NSMF: variants seen among roughly 807,000 people sequenced by gnomAD.
The protein encoded by NSMF is NMDA receptor synaptonuclear signaling and neuronal migration factor, also known as nasal embryonic LHRH factor.
A neutral mutation model predicts 71.0 loss-of-function variants in NSMF; 31 were observed. That is an observed-to-expected ratio of 0.44 (90% CI 0.33 to 0.59). The LOEUF is 0.59. NSMF is among the 20% of genes least tolerant of loss of function. NSMF has a pLI of 0.04. For missense variants in NSMF, 673 were observed against 740.5 expected (o/e 0.91, Z 1.06); for synonymous variants, 345 against 287.1 (o/e 1.20, Z -2.04).
chr9:137,450,282 G>T (rs1382778369), intron 12 of NSMF, 27 bp from the exon 13 acceptor site: 1 of 1,584,540 alleles, frequency 6.3e-7, no homozygotes, highest in South Asian at 1.1e-5. Context: ...TCAGGCATCT[G>T]CTCCTCCTTC....
intron 10 of NSMF, 45 bp from the exon 11 acceptor site, chr9:137,452,631 G>C (rs375846711): frequency 7.4e-6 from 12 of 1,611,858 alleles, no homozygotes; most frequent in Non-Finnish European, 1.0e-5. Context: ...GGCTGCGTCA[G>C]AGCCAGCAGC....
Position 137,449,177 on chromosome 9 carries a change from C to A in NSMF, c.*217G>T. ...CGCTGAGCATCCACGGGCCACAGGG[C>A]GGGATCCTCCCGGCCCCCAGGGACT... On this transcript the variant is annotated 3_prime_UTR_variant, in exon 16 of 16. Transcript: ENST00000371475. 1 of 601,744 alleles carries A rather than the reference C, an allele frequency of 1.7e-6. No homozygotes were observed. The highest frequency in any genetic ancestry group is 3.0e-6 in the Non-Finnish European group (1 of 335,756). The allele number at this position is 601,744 out of a possible 1,614,324, so 37.3% of individuals were successfully genotyped here. A position where few individuals can be genotyped will look rare whatever the true frequency, so the allele number is the denominator to read the frequency against.
At chr9:137,452,332 TCTC>T (rs777090114) in intron 12 of NSMF, 30 bp downstream of exon 12, 6 of 1,605,338 alleles carry the variant, frequency 3.7e-6, no homozygotes, top group East Asian at 2.2e-5. Flanking sequence ...CCACGATTCT[TCTC>T]CTGGTCAGGA....
In NSMF at chr9:137,453,780, C is replaced by A; in HGVS notation, c.873G>T (p.Trp291Cys). 1.2e-6 allele frequency: 2 copies of A among 1,600,392 alleles called. No homozygotes were observed. Among genetic ancestry groups the A allele is most frequent in the South Asian group, 1.1e-5 (1 of 90,310 alleles). Reference sequence around the variant, plus strand: ...CGGCTTTCATGGGGGTGGGGTCGCTCCAGGACCGGCTGAAGCTCCGCTCGC... The same window carrying A: ...CGGCTTTCATGGGGGTGGGGTCGCTACAGGACCGGCTGAAGCTCCGCTCGC... Reference protein sequence around the residue: ...ERRERSFSRSWSDPTPMKADT... With the variant: ...ERRERSFSRSCSDPTPMKADT... The change falls in exon 8 of 16, where the codon TGG (tryptophan) becomes TGT (cysteine). Residue 291 changes from tryptophan (W) to cysteine (C), a missense_variant. Trp to Cys is a radical substitution (Grantham distance 215, BLOSUM62 -2). Around this residue, in one of 2 missense-constraint regions of NSMF, gnomAD observed 471 missense variants for 459.6 expected, o/e 1.02. Transcript: ENST00000371475. This position sits in a 1 kb window ranked among gnomAD's most constrained non-coding sequence, Gnocchi z 4.5.
intron 6 of NSMF, 41 bp from the exon 7 acceptor site, chr9:137,454,484 G>C: frequency 1.3e-6 from 2 of 1,549,540 alleles, no homozygotes; most frequent in South Asian, 2.4e-5. Flanking sequence ...CCGTGAGAGG[G>C]TGACGGCAGC....
rs1830925509 is a variant in NSMF at position 137,457,883 on chromosome 9, G to C, written c.152C>G (p.Ala51Gly). The stretch of plus-strand genomic sequence containing the variant: ...GGGGGACCCGTCGTGGCCAGAGTAG[G>C]CATCAGCCAGCAGGTGATCTAGGAG... ...RNGADHLLAD[A>G]YSGHDGSPEM... is the part of the protein sequence containing the mutation. The change falls in exon 3 of 16, where the codon GCC becomes GGC. Residue 51 changes from alanine to glycine, a missense_variant. Coordinates refer to ENST00000371475, the MANE Select transcript of NSMF (RefSeq NM_001130969.3). 6.5e-7 allele frequency: 1 copy of C among 1,545,218 alleles called. No homozygotes were observed. Among genetic ancestry groups the C allele is most frequent in the East Asian group, 2.4e-5 (1 of 41,374 alleles).
At chr9:137,456,319 G>A in intron 4 of NSMF, 92 bp downstream of exon 4, 2 of 1,069,078 alleles carry the variant, frequency 1.9e-6, no homozygotes, top group Non-Finnish European at 2.9e-6. Flanking sequence ...CAGCCCCCCT[G>A]GTAGGCCCAG....
At position 137,457,457 on chromosome 9, in the gene NSMF, G is replaced by C. The variant is rs371306550; in HGVS notation, c.578C>G (p.Ser193Cys). Residue 193 changes from serine to cysteine, a missense_variant, in exon 3 of 16, where the codon TCC (serine) becomes TGC (cysteine). Coordinates refer to ENST00000371475, the MANE Select transcript of NSMF (RefSeq NM_001130969.3). ...GLDQPPLPET[S>C]GRRKKLERMY... ...CCTCTCCAGCTTCTTGCGGCGACCG[G>C]AGGTCTCAGGCAGAGGTGGCTGGTC... 1.5e-5 allele frequency: 24 copies of C among 1,612,844 alleles called. No homozygotes were observed. Among genetic ancestry groups the C allele is most frequent in the Non-Finnish European group, 1.9e-5 (22 of 1,179,982 alleles).
rs1564264640 is a variant in NSMF, at chr9:137,454,379, AC to A, written c.832+11del. ...AACGCCGCCCCCCCACCCCCGCCGC[AC>A]GGGGTCTTACTCTGGGCCTTCACCC... is the stretch of plus-strand genomic sequence containing the variant. On this transcript the variant is annotated intron_variant, in intron 7 of 15. Transcript: ENST00000371475. 1 of 1,549,360 alleles carries A rather than the reference AC, an allele frequency of 6.5e-7. No homozygotes were observed.
At chr9:137,456,379 C>A in intron 4 of NSMF, 32 bp downstream of exon 4, 8 of 1,569,134 alleles carry the variant, frequency 5.1e-6, no homozygotes, top group Non-Finnish European at 7.0e-6. Flanking sequence ...GACCACCCAA[C>A]CCTGACCCCA....
Position 137,459,043 on chromosome 9 carries a change from C to T in NSMF, c.60G>A (p.Ala20=). 7.8e-7 allele frequency: 1 copy of T among 1,287,040 alleles called. No individual in the cohort carries two copies. The highest frequency in any genetic ancestry group is 2.5e-5 in the South Asian group (1 of 40,750). The allele number at this position is 1,287,040 out of a possible 1,614,324, so 79.7% of individuals were successfully genotyped here. Residue 20 remains alanine (A), a synonymous_variant, in exon 1 of 16, where the codon GCG becomes GCA. Coordinates refer to ENST00000371475, the MANE Select transcript of NSMF (RefSeq NM_001130969.3). ...CCCGCCGCACTCACCGCACTTTGGC[C>T]GCCACCGAGGACATGGCCTCGCTCC... is the stretch of plus-strand genomic sequence containing the variant. ...ALRSEAMSSV[A]AKVRAARAFG...
chr9:137,449,855 G>C (rs1444402113), intron 14 of NSMF, 68 bp downstream of exon 14: 4 of 1,418,192 alleles, frequency 2.8e-6, no homozygotes, highest in Non-Finnish European at 4.0e-6. Context: ...AAACATGGAA[G>C]GCTCTGCCCT....
chr9:137,455,391 C>T (rs1588506086), intron 5 of NSMF, 84 bp from the exon 6 acceptor site: 3 of 1,484,722 alleles, frequency 2.0e-6, no homozygotes, highest in South Asian at 2.3e-5. Context: ...GAGCAGAGGG[C>T]CCAGCAGGGC....
Position 137,454,416 on chromosome 9 carries a change from G to A in NSMF, c.807C>T (p.Val269=). The part of the protein sequence containing the change: ...QRNFRKHLRM[V]GSRRVKAQTF... ...TCTGGGCCTTCACCCTCCGGCTGCC[G>A]ACCATGCGCAGGTGTTTGCGGAAGT... The change falls in exon 7 of 16, where the codon GTC becomes GTT. Residue 269 remains valine (V), a synonymous_variant. Transcript: ENST00000371475. The A allele has an allele frequency of 3.9e-6, 6 of 1,550,128 alleles. No individual in the cohort carries two copies. Among genetic ancestry groups the A allele is most frequent in the Non-Finnish European group, 5.2e-6 (6 of 1,146,830 alleles).
intron 6 of NSMF, chr9:137,454,666 C>A (rs1381764123): frequency 1.4e-5 from 22 of 1,527,706 alleles, no homozygotes; most frequent in Non-Finnish European, 1.9e-5. Context: ...AACAAAGGTG[C>A]AGTGCCTGGC....
In NSMF at chr9:137,448,744, G is replaced by A. The variant is rs1256357985; in HGVS notation, c.*650C>T. 2 of 156,616 alleles carry A rather than the reference G, an allele frequency of 1.3e-5. No homozygotes were observed. Among genetic ancestry groups the A allele is most frequent in the Non-Finnish European group, 2.8e-5 (2 of 70,866 alleles). 9.7% of individuals were successfully genotyped at this position (156,616 alleles called of 1,614,324 possible). ...CCTACCGGGTCCGGCGCCGGCTGAG[G>A]TCTAAGTAAGCAGGGATGGGGGGTG... On this transcript the variant is annotated 3_prime_UTR_variant, in exon 16 of 16. Coordinates refer to ENST00000371475, the MANE Select transcript of NSMF (RefSeq NM_001130969.3). The surrounding 1 kb of genome is among the most constrained non-coding windows in gnomAD (Gnocchi z 5.3).
chr9:137,454,993 G>T, intron 6 of NSMF: 2 of 720,766 alleles, frequency 2.8e-6, no homozygotes, highest in Admixed American at 4.0e-5. Flanking sequence ...AGTGGGGGAG[G>T]GGGGCCTTGC....
chr9:137,453,149 C>T lies in NSMF; in HGVS notation c.954G>A (p.Leu318=), dbSNP rs1291525342. The change falls in exon 9 of 16, where the codon CTG becomes CTA. Residue 318 remains leucine (L), a synonymous_variant. Transcript: ENST00000371475. This position sits in a 1 kb window ranked among gnomAD's most constrained non-coding sequence, Gnocchi z 4.5. ...SSDLQSSHCT[L]DEAFEDLDWD... ...AGTCCAGGTCCTCGAAGGCCTCGTC[C>T]AGCGTGCAGTGGGAGCTCTGCAGGT... 6.2e-7 allele frequency: 1 copy of T among 1,612,646 alleles called. No individual in the cohort carries two copies. Among genetic ancestry groups the T allele is most frequent in the Admixed American group, 1.7e-5 (1 of 60,028 alleles).
intron 1 of NSMF, 48 bp downstream of exon 1, chr9:137,458,974 CTCGGGCGGGG>C (rs1831032207): frequency 8.1e-7 from 1 of 1,230,444 alleles, no homozygotes. Context: ...CAGGGGCGGA[CTCGGGCGGGG>C]TCGGAGGTCC....
Sources: allele counts gnomAD v4.1 joint callset, GRCh38; gene constraint gnomAD v4.1.1; regional missense constraint gnomAD v4.1.1; non-coding constraint Gnocchi (gnomAD v3.1); transcripts MANE v1.5; gene names NCBI Gene and HGNC (gene_info 2026-07-23, HGNC 2026-07-21).